SERPINB8: variants seen among roughly 807,000 people sequenced by gnomAD.
The protein encoded by SERPINB8 is serpin family B member 8, also known as serpin B8.
A neutral mutation model predicts 35.3 loss-of-function variants in SERPINB8; 25 were observed. The ratio of observed to expected loss-of-function variants is 0.71; its 90% CI spans 0.52 to 0.99. The LOEUF (loss-of-function observed/expected upper bound fraction) is 0.99, where lower values mean the gene tolerates loss of function less well. SERPINB8 is among the 50% of genes least tolerant of loss of function. SERPINB8 has a pLI of 0.00. For missense variants in SERPINB8, 484 were observed against 446.5 expected (o/e 1.08, Z -0.76); for synonymous variants, 186 against 160.8 (o/e 1.16, Z -1.19).
chr18:64,000,201 G>A (rs960784298), intron 1 of SERPINB8, among the ~76,000 whole-genome samples: 2 of 152,212 alleles, frequency 1.3e-5, no homozygotes, highest in African/African-American at 2.4e-5. Flanking sequence ...GATTGGCATT[G>A]TTGGGGGCTC....
At chr18:63,992,877 G>A (rs554016342), downstream of SERPINB8, among the ~76,000 whole-genome samples, 135 of 152,300 alleles carry the variant, frequency 8.9e-4, no homozygotes, top group Non-Finnish European at 1.6e-3. Flanking sequence ...TCAGTCGGCC[G>A]TTTGGTTCAC....
chr18:64,007,514 G>A (rs2050905651), downstream of SERPINB8, among the ~76,000 whole-genome samples: 5 of 152,220 alleles, frequency 3.3e-5, no homozygotes, highest in South Asian at 6.2e-4. Context: ...GTATTAGTCC[G>A]TTCTCTCACT....
At chr18:64,005,995 G>T (rs2050898274), downstream of SERPINB8, among the ~76,000 whole-genome samples, 1 of 152,168 alleles carries the variant, frequency 6.6e-6, no homozygotes, top group South Asian at 2.1e-4. Flanking sequence ...TATCTTCCTT[G>T]ATGATTTTTG....
chr18:64,003,762 A>T (rs2050887380), intron 1 of SERPINB8, among the ~76,000 whole-genome samples: 1 of 152,022 alleles, frequency 6.6e-6, no homozygotes, highest in African/African-American at 2.4e-5. Context: ...AGGCAGGTGA[A>T]ATTTCCTCTT....
At chr18:64,005,363 T>G (rs927643133) in exon 2 of SERPINB8, 4 of 152,280 alleles carry the variant, frequency 2.6e-5, no homozygotes, top group Admixed American at 2.0e-4. Context: ...ATAACCTGAA[T>G]GCCGTCTTCC....
chr18:63,980,357 A>C (rs2050651823), intron 3 of SERPINB8, among the ~76,000 whole-genome samples: 2 of 152,210 alleles, frequency 1.3e-5, no homozygotes, highest in South Asian at 4.1e-4. Flanking sequence ...CTAAAATGAA[A>C]ATCTGTTCAT....
chr18:63,986,807 TAA>T, intron 6 of SERPINB8, 65 bp from the exon 7 acceptor site: 1 of 1,461,542 alleles, frequency 6.8e-7, no homozygotes, highest in Non-Finnish European at 9.2e-7. Flanking sequence ...GGAGGGGTAA[TAA>T]ATGGGTGTGT....
Position 63,995,579 on chromosome 18 carries a change from G to T in SERPINB8, c.71-9240G>T, listed in dbSNP as rs529034548. 2.6e-5 allele frequency among the ~76,000 whole-genome samples: 4 copies of T among 152,266 alleles called. No homozygotes were observed. The East Asian group carries it at 7.7e-4, about 29-fold the overall frequency. On this transcript the variant is annotated intron_variant, in intron 1 of 1. Transcript: ENST00000493661. ...GTATTGTCTATATGTGCCCCTACTG[G>T]CCTTCACCCTCAATCCCTGATGGAA...
chr18:63,977,113 A>G (rs2050594364), intron 1 of SERPINB8, among the ~76,000 whole-genome samples: 2 of 152,300 alleles, frequency 1.3e-5, no homozygotes, highest in South Asian at 2.1e-4. Context: ...AAAGATAATT[A>G]GCAGCAATAG....
At chr18:63,983,039 T>A (rs67204465) in intron 4 of SERPINB8, among the ~76,000 whole-genome samples, 12,993 of 152,202 alleles carry the variant, frequency 0.085, 613 homozygotes, top group African/African-American at 0.11. Context: ...GCAATGATCC[T>A]CAACCAGGGG....
chr18:63,994,920 G>GT (rs1568282339), intron 1 of SERPINB8, among the ~76,000 whole-genome samples: 1 of 152,210 alleles, frequency 6.6e-6, no homozygotes, highest in Non-Finnish European at 1.5e-5. Flanking sequence ...GGCATGGAAA[G>GT]AGTGGCTGCT....
chr18:63,979,968 G>T (rs1248564955), intron 3 of SERPINB8, 30 bp downstream of exon 3: 2 of 1,608,946 alleles, frequency 1.2e-6, no homozygotes, highest in Non-Finnish European at 1.7e-6. Flanking sequence ...TGATGACAAA[G>T]AAATTGAAAG....
At chr18:63,990,986 TCCA>T (rs1257084511), downstream of SERPINB8, among the ~76,000 whole-genome samples, 1 of 152,256 alleles carries the variant, frequency 6.6e-6, no homozygotes. Flanking sequence ...CTATCCATTT[TCCA>T]CTGAATTGCC....
At chr18:64,001,475 G>GTTTGTTTGTTTATTTATTTATTTATTTA (rs1555716935) in intron 1 of SERPINB8, among the ~76,000 whole-genome samples, 1 of 146,804 alleles carries the variant, frequency 6.8e-6, no homozygotes, top group African/African-American at 2.6e-5. Flanking sequence ...TTGTTTGTTT[G>GTTTGTTTGTTTATTTATTTATTTATTTA]TTTATTTATT....
intron 1 of SERPINB8, among the ~76,000 whole-genome samples, chr18:63,994,606 C>G (rs937795499): frequency 2.6e-5 from 4 of 152,066 alleles, no homozygotes; most frequent in Non-Finnish European, 4.4e-5. Context: ...GATCATTGGT[C>G]CTCAGCTGGG....
chr18:64,013,253 C>A (rs2050934203), intron 7 of SERPINB8, among the ~76,000 whole-genome samples: 2 of 152,028 alleles, frequency 1.3e-5, no homozygotes, highest in Non-Finnish European at 2.9e-5. Flanking sequence ...CAGTGCCTGG[C>A]ATTCTTCTTT....
intron 1 of SERPINB8, among the ~76,000 whole-genome samples, chr18:63,970,733 C>A (rs913404749): frequency 8.5e-5 from 13 of 152,302 alleles, no homozygotes; most frequent in Middle Eastern, 6.8e-3. Flanking sequence ...GGCGCCCAAG[C>A]TTGCCCCTGT....
chr18:64,001,232 A>G (rs1262184690), intron 1 of SERPINB8, among the ~76,000 whole-genome samples: 1 of 152,214 alleles, frequency 6.6e-6, no homozygotes, highest in African/African-American at 2.4e-5. Flanking sequence ...AACGGAATCA[A>G]GAATGAGTAC....
chr18:64,008,289 C>T (rs2050909659), downstream of SERPINB8, among the ~76,000 whole-genome samples: 2 of 152,172 alleles, frequency 1.3e-5, no homozygotes, highest in South Asian at 4.1e-4. Flanking sequence ...GTCACTCAGG[C>T]TGGAGTGCAA....
Sources: allele counts gnomAD v4.1 joint callset (sites outside exome capture counted in the v4.1 genomes callset), GRCh38; gene constraint gnomAD v4.1.1; transcripts MANE v1.5; gene names NCBI Gene and HGNC (gene_info 2026-07-23, HGNC 2026-07-21).